The following AGBL1 variants were observed in gnomAD, a reference collection of about 807,000 sequenced individuals.
The protein encoded by AGBL1 is cytosolic carboxypeptidase 4.
A neutral mutation model predicts 118.9 loss-of-function variants in AGBL1; 130 were observed. That is an observed-to-expected ratio of 1.09 (90% CI 0.95 to 1.26). AGBL1 has a LOEUF of 1.26. Ranked by LOEUF, AGBL1 falls within the 50% of genes most tolerant of loss-of-function variation. The pLI, the probability that AGBL1 is intolerant of heterozygous loss-of-function variation, is 0.00. For synonymous variants in AGBL1, 555 were observed against 478.9 expected (o/e 1.16, Z -2.08); for missense variants, 1,584 against 1,298.1 (o/e 1.22, Z -3.38).
chr15:86,126,980 T>G (rs62012438), intron 1 of AGBL1, among the ~76,000 whole-genome samples: 5,872 of 152,276 alleles, frequency 0.039, 166 homozygotes, highest in Middle Eastern at 0.088. Context: ...TCCAATGAGC[T>G]CATGATATGG....
chr15:86,623,113 C>G (rs1464525982), intron 21 of AGBL1, among the ~76,000 whole-genome samples: 1 of 152,222 alleles, frequency 6.6e-6, no homozygotes. Context: ...AAGCTTCACT[C>G]TCTCACCCTC....
chr15:86,820,067 G>T (rs1052210536), intron 22 of AGBL1, among the ~76,000 whole-genome samples: 1 of 152,150 alleles, frequency 6.6e-6, no homozygotes, highest in Admixed American at 6.5e-5. Context: ...AATAAATGGT[G>T]TTGGGAAAAC....
At chr15:86,080,755 A>T (rs1895215010) in intron 1 of AGBL1, among the ~76,000 whole-genome samples, 1 of 152,132 alleles carries the variant, frequency 6.6e-6, no homozygotes, top group Non-Finnish European at 1.5e-5. Flanking sequence ...TCCGAGCGTT[A>T]GAGTTTGAAA....
chr15:86,919,081 T>G (rs1424915123), downstream of AGBL1, among the ~76,000 whole-genome samples: 1 of 152,226 alleles, frequency 6.6e-6, no homozygotes, highest in South Asian at 2.1e-4. Flanking sequence ...AGATCTATAA[T>G]GCACCACATC....
intron 21 of AGBL1, among the ~76,000 whole-genome samples, chr15:86,565,914 G>A (rs926335895): frequency 7.9e-5 from 12 of 152,254 alleles, no homozygotes; most frequent in South Asian, 2.1e-4. Flanking sequence ...CTCCATGGGC[G>A]TGGGACCCTC....
intron 23 of AGBL1, among the ~76,000 whole-genome samples, chr15:86,981,238 T>C (rs535848048): frequency 6.6e-6 from 1 of 152,340 alleles, no homozygotes; most frequent in East Asian, 1.9e-4. Flanking sequence ...ATATTAATTA[T>C]TTAACCAGAA....
chr15:86,721,692 A>G (rs1417029944), intron 22 of AGBL1, among the ~76,000 whole-genome samples: 1 of 152,228 alleles, frequency 6.6e-6, no homozygotes, highest in African/African-American at 2.4e-5. Flanking sequence ...AAGATATTCA[A>G]TTAGGAAAAG....
At chr15:86,264,928 A>G in intron 11 of AGBL1, 90 bp downstream of exon 11, 3 of 1,197,078 alleles carry the variant, frequency 2.5e-6, no homozygotes, top group Non-Finnish European at 3.4e-6. Flanking sequence ...TCTACTATCT[A>G]TAGGAAAGAG....
Position 86,759,671 on chromosome 15 carries a change from T to C in AGBL1, c.3158+85235T>C, listed in dbSNP as rs376965502. Among the ~76,000 whole-genome samples, 40 of 152,214 alleles carry C rather than the reference T, an allele frequency of 2.6e-4. No individual in the cohort carries two copies. The South Asian group carries it at 7.7e-3, about 29-fold the overall frequency. ...ATTTGAGATGACATCTAGACATTCA[T>C]TGAGAATCTGGATACAGAATATGGA... On this transcript the variant is annotated intron_variant, in intron 22 of 22. Transcript: ENST00000614907.
chr15:86,257,956 C>A lies in AGBL1; in HGVS notation c.902-8C>A, dbSNP rs1235691244. On this transcript the variant is annotated splice_region_variant and splice_polypyrimidine_tract_variant and intron_variant, in intron 8 of 22. Coordinates refer to ENST00000614907, the MANE Select transcript of AGBL1 (RefSeq NM_001386094.1). Reference sequence around the variant, plus strand: ...CTTCACTTATTTCACCTCTTTTTCCCCATCCAGAGGATTTTGAAGATGATG... The same window carrying A: ...CTTCACTTATTTCACCTCTTTTTCCACATCCAGAGGATTTTGAAGATGATG... 4.3e-6 allele frequency: 7 copies of A among 1,611,900 alleles called. No homozygotes were observed. Among genetic ancestry groups the A allele is most frequent in the Non-Finnish European group, 5.9e-6 (7 of 1,179,296 alleles).
At chr15:86,746,485 T>G (rs964839306) in intron 22 of AGBL1, among the ~76,000 whole-genome samples, 1 of 152,034 alleles carries the variant, frequency 6.6e-6, no homozygotes, top group Non-Finnish European at 1.5e-5. Context: ...TGCACAGAGC[T>G]CAGGCCTAGA....
chr15:86,586,865 G>T (rs953632768), intron 21 of AGBL1, among the ~76,000 whole-genome samples: 1 of 152,048 alleles, frequency 6.6e-6, no homozygotes, highest in Non-Finnish European at 1.5e-5. Context: ...TTAAGGGGGG[G>T]TCTGTTATTT....
At chr15:86,994,575 C>A (rs751726363) in intron 24 of AGBL1, among the ~76,000 whole-genome samples, 2 of 151,908 alleles carry the variant, frequency 1.3e-5, no homozygotes, top group Admixed American at 6.6e-5. Flanking sequence ...ATTTCCCAGA[C>A]AATGAAAAAA....
chr15:86,495,125 G>A (rs62015267), intron 18 of AGBL1, among the ~76,000 whole-genome samples: 3 of 145,340 alleles, frequency 2.1e-5, no homozygotes, highest in Non-Finnish European at 4.6e-5. Flanking sequence ...TCTCTCTCTC[G>A]CTTTCTTTCT....
intron 4 of AGBL1, among the ~76,000 whole-genome samples, chr15:86,155,716 A>T (rs1271737726): frequency 6.6e-6 from 1 of 152,098 alleles, no homozygotes; most frequent in Admixed American, 6.5e-5. Context: ...AGAGCCAAAA[A>T]GACCTGAGTT....
chr15:86,571,842 T>C (rs2084012819), intron 21 of AGBL1, among the ~76,000 whole-genome samples: 1 of 152,092 alleles, frequency 6.6e-6, no homozygotes, highest in Non-Finnish European at 1.5e-5. Flanking sequence ...CCTCCCTGGC[T>C]TAAAGGTGGG....
At chr15:86,474,265 A>G (rs925319407) in intron 18 of AGBL1, among the ~76,000 whole-genome samples, 2 of 152,198 alleles carry the variant, frequency 1.3e-5, no homozygotes, top group African/African-American at 4.8e-5. Context: ...TGTCAGCCGA[A>G]GAAGGGCAAG....
chr15:86,995,310 C>G (rs560933526), intron 24 of AGBL1, among the ~76,000 whole-genome samples: 1 of 152,034 alleles, frequency 6.6e-6, no homozygotes, highest in Non-Finnish European at 1.5e-5. Context: ...CACCTGAGCC[C>G]GGGAGGTCAA....
At chr15:86,249,068 AT>A (rs1327580471) in intron 7 of AGBL1, among the ~76,000 whole-genome samples, 1 of 152,166 alleles carries the variant, frequency 6.6e-6, no homozygotes, top group Non-Finnish European at 1.5e-5. Context: ...ACCTAAATAA[AT>A]TCCTTAATTT....
Sources: gnomAD v4.1 joint callset for allele counts (sites outside exome capture counted in the v4.1 genomes callset) on GRCh38, gnomAD v4.1.1 for gene constraint, MANE v1.5 for transcripts, NCBI Gene and HGNC (gene_info 2026-07-23, HGNC 2026-07-21) for gene names.